Variants in ABI1 observed in about 807,000 individuals in gnomAD.
The protein encoded by ABI1 is Abelson interactor 1.
A neutral mutation model predicts 54.6 loss-of-function variants in ABI1; 14 were observed. The ratio of observed to expected loss-of-function variants is 0.26; its 90% CI spans 0.17 to 0.40. The LOEUF is 0.40. Among genes scored for constraint, ABI1 ranks in the 10% least tolerant of loss-of-function variants. The pLI is 1.00. For synonymous variants in ABI1, 194 were observed against 209.3 expected (o/e 0.93, Z 0.63); for missense variants, 443 against 598.3 (o/e 0.74, Z 2.71).
At chr10:26,798,356 A>G (rs1441350006) in intron 2 of ABI1, among the ~76,000 whole-genome samples, 4 of 152,090 alleles carry the variant, frequency 2.6e-5, no homozygotes, top group Admixed American at 2.0e-4. Context: ...CAAGCCAAAG[A>G]GGGAGGCCAG....
chr10:26,814,195 C>A (rs574445294), intron 2 of ABI1, among the ~76,000 whole-genome samples: 1 of 152,318 alleles, frequency 6.6e-6, no homozygotes, highest in South Asian at 2.1e-4. Context: ...TTTGAAGACT[C>A]TGATTACAAA....
intron 7 of ABI1, among the ~76,000 whole-genome samples, chr10:26,763,322 T>G (rs1240129494): frequency 2.6e-5 from 4 of 152,242 alleles, no homozygotes; most frequent in African/African-American, 9.6e-5. Context: ...ATATTTAAAA[T>G]TCCTTATATG....
chr10:26,775,429 C>T (rs952116789), intron 3 of ABI1, among the ~76,000 whole-genome samples: 4 of 151,910 alleles, frequency 2.6e-5, no homozygotes, highest in African/African-American at 9.7e-5. Flanking sequence ...GAACTATACA[C>T]CTAAAAAGAG....
intron 1 of ABI1, among the ~76,000 whole-genome samples, chr10:26,836,181 C>CA (rs2049059697): frequency 6.6e-6 from 1 of 152,038 alleles, no homozygotes; most frequent in South Asian, 2.1e-4. Flanking sequence ...GGCGCAATCT[C>CA]AGCTCAATGC....
At chr10:26,838,983 C>T (rs141494878) in intron 1 of ABI1, among the ~76,000 whole-genome samples, 138 of 152,312 alleles carry the variant, frequency 9.1e-4, no homozygotes, top group African/African-American at 3.0e-3. Context: ...TCATTAACTA[C>T]TCTGCATACC....
chr10:26,843,759 C>T (rs1189348405), intron 1 of ABI1, among the ~76,000 whole-genome samples: 2 of 150,784 alleles, frequency 1.3e-5, no homozygotes, highest in South Asian at 4.2e-4. Flanking sequence ...GGAAGAAATA[C>T]CCAATTGAGT....
rs1221784367 is a variant in ABI1 at position 26,753,859 on chromosome 10, A to G, written c.1084+1796T>C. 5.9e-5 allele frequency among the ~76,000 whole-genome samples: 9 copies of G among 152,218 alleles called. No individual in the cohort carries two copies. In the South Asian group the frequency reaches 1.0e-3, roughly 18 times the overall value. ...TATGTTTGGTAAAAAGAACTAATAT[A>G]GTACCAAGAGCCTCTTTAGCAAAGA... On this transcript the variant is annotated intron_variant, in intron 9 of 10. Coordinates refer to ENST00000376140, the MANE Select transcript of ABI1 (RefSeq NM_001012750.3).
Position 26,768,843 on chromosome 10 carries a change from A to G in ABI1, c.719+9T>C. ...TAGAGATGTTGAGATACTCAACCTAAAGGCTTACCTGTGTGTCCTTGGTCT... is the reference window on the plus strand; with the variant it reads ...TAGAGATGTTGAGATACTCAACCTAGAGGCTTACCTGTGTGTCCTTGGTCT... On this transcript the variant is annotated intron_variant, in intron 6 of 10. Coordinates refer to ENST00000376140, the MANE Select transcript of ABI1 (RefSeq NM_001012750.3). 6.2e-7 allele frequency: 1 copy of G among 1,608,576 alleles called. No individual in the cohort carries two copies. Among genetic ancestry groups the G allele is most frequent in the South Asian group, 1.1e-5 (1 of 90,308 alleles).
At chr10:26,757,701 T>C (rs1261821138) in intron 8 of ABI1, among the ~76,000 whole-genome samples, 1 of 152,184 alleles carries the variant, frequency 6.6e-6, no homozygotes, top group African/African-American at 2.4e-5. Context: ...TTGTGAATTT[T>C]GATATTTCTG....
intron 1 of ABI1, among the ~76,000 whole-genome samples, chr10:26,850,207 T>G (rs2050278271): frequency 6.6e-6 from 1 of 152,266 alleles, no homozygotes; most frequent in Non-Finnish European, 1.5e-5. Context: ...AATGTTACTC[T>G]TGCCCTAAAC....
intron 10 of ABI1, among the ~76,000 whole-genome samples, chr10:26,751,150 C>T (rs897598340): frequency 1.1e-4 from 16 of 152,098 alleles, no homozygotes; most frequent in Admixed American, 2.0e-4. Flanking sequence ...GAGAAGCATA[C>T]TGAATGCATA....
Position 26,810,483 on chromosome 10 carries a change from T to C in ABI1, c.285+12655A>G, listed in dbSNP as rs906673758. ...TGAACACTTTTTAAATTTTTTGAAG[T>C]AAATGTTTTTATAACACCTCAGGGA... On this transcript the variant is annotated intron_variant, in intron 2 of 10. Transcript: ENST00000376140. Among the ~76,000 whole-genome samples, 11 of 152,182 alleles carry C rather than the reference T, an allele frequency of 7.2e-5. No homozygotes were observed. In the South Asian group the frequency reaches 1.2e-3, roughly 17 times the overall value.
rs569699693 is a variant in ABI1, at chr10:26,772,351, T to G, written c.463-1262A>C. Among the ~76,000 whole-genome samples, 9 of 152,274 alleles carry G rather than the reference T, an allele frequency of 5.9e-5. No homozygotes were observed. The Middle Eastern group carries it at 0.014, about 230-fold the overall frequency. On this transcript the variant is annotated intron_variant, in intron 3 of 10. Transcript: ENST00000376140. ...TGTATAGTATATACTTACATAGCAA[T>G]GTATATCTTATAATGTATATACATA... is the stretch of plus-strand genomic sequence containing the variant.
intron 6 of ABI1, among the ~76,000 whole-genome samples, chr10:26,767,185 T>C (rs559753121): frequency 1.3e-5 from 2 of 152,218 alleles, no homozygotes; most frequent in Admixed American, 6.5e-5. Context: ...AACTATACTT[T>C]GATCCAAGAG....
At chr10:26,751,507 C>T (rs557421551) in intron 10 of ABI1, 91 bp downstream of exon 10, 1 of 1,323,148 alleles carries the variant, frequency 7.6e-7, no homozygotes, top group East Asian at 2.5e-5. Context: ...GTTTAAAAGG[C>T]TGAGAAACAT....
At chr10:26,818,158 CAAAAAAAAAAAAAAAAAAAAA>C (rs397696005) in intron 2 of ABI1, among the ~76,000 whole-genome samples, 13 of 45,444 alleles carry the variant, frequency 2.9e-4, no homozygotes, top group African/African-American at 3.9e-4. Context: ...GACTCCATCT[CAAAAAAAAAAAAAAAAAAAAA>C]AAAAAAAAAA....
intron 2 of ABI1, 100 bp downstream of exon 2, chr10:26,823,038 G>T: frequency 9.3e-7 from 1 of 1,074,490 alleles, no homozygotes; most frequent in Non-Finnish European, 1.3e-6. Flanking sequence ...ATTATCACCA[G>T]TAAGATGAGT....
At position 26,826,468 on chromosome 10, in the gene ABI1, G is replaced by C. The variant is rs144792863; in HGVS notation, c.118-3163C>G. On this transcript the variant is annotated intron_variant, in intron 1 of 10. Transcript: ENST00000376140. ...TTCAGCATAATTCTAAAGGGCCTTA[G>C]GATTTTCAGCATGGCAAATGAGCAC... 1.5e-3 allele frequency among the ~76,000 whole-genome samples: 235 copies of C among 152,264 alleles called. 2 individuals carry two copies. Among genetic ancestry groups the C allele is most frequent in the African/African-American group, 5.5e-3 (228 of 41,536 alleles).
intron 1 of ABI1, among the ~76,000 whole-genome samples, chr10:26,830,577 A>C (rs958944085): frequency 6.6e-6 from 1 of 150,446 alleles, no homozygotes; most frequent in African/African-American, 2.5e-5. Flanking sequence ...CTGTGATTGC[A>C]CCACTACACT....
Sources: allele counts gnomAD v4.1 joint callset (sites outside exome capture counted in the v4.1 genomes callset), GRCh38; gene constraint gnomAD v4.1.1; transcripts MANE v1.5; gene names NCBI Gene and HGNC (gene_info 2026-07-23, HGNC 2026-07-21).